Variants in TRAK1 observed in about 807,000 individuals in gnomAD.
TRAK1 encodes trafficking kinesin-binding protein 1.
TRAK1 carries 33 observed loss-of-function variants against 92.1 expected under a neutral mutation model. The ratio of observed to expected loss-of-function variants is 0.36; its 90% CI spans 0.27 to 0.48. The LOEUF is 0.48. Among genes scored for constraint, TRAK1 ranks in the 20% least tolerant of loss-of-function variants. The pLI, the probability that TRAK1 is intolerant of heterozygous loss-of-function variation, is 0.99. For missense variants in TRAK1, 1,123 were observed against 1,257.9 expected (o/e 0.89, Z 1.62); for synonymous variants, 521 against 517.3 (o/e 1.01, Z -0.10).
chr3:42,090,296 T>G (rs565573753), upstream of TRAK1, among the ~76,000 whole-genome samples: 1 of 152,364 alleles, frequency 6.6e-6, no homozygotes, highest in South Asian at 2.1e-4. Flanking sequence ...TAGTGGCATC[T>G]GTACCAGTGA....
chr3:42,105,755 A>G (rs1280787760), intron 1 of TRAK1, among the ~76,000 whole-genome samples: 1 of 152,234 alleles, frequency 6.6e-6, no homozygotes, highest in African/African-American at 2.4e-5. Flanking sequence ...AAAAATATTA[A>G]GGGAAGCCAG....
chr3:42,092,581 C>A (rs911109980), intron 1 of TRAK1, among the ~76,000 whole-genome samples: 1 of 152,012 alleles, frequency 6.6e-6, no homozygotes, highest in African/African-American at 2.4e-5. Context: ...AAGCTGTAAA[C>A]CGAGTGAGAA....
intron 1 of TRAK1, among the ~76,000 whole-genome samples, chr3:42,037,538 G>A (rs1178779844): frequency 6.6e-6 from 1 of 152,224 alleles, no homozygotes; most frequent in African/African-American, 2.4e-5. Context: ...TGGTACTATA[G>A]ACAGACATTA....
intron 1 of TRAK1, among the ~76,000 whole-genome samples, chr3:42,097,891 G>A (rs1706167645): frequency 6.6e-6 from 1 of 152,222 alleles, no homozygotes; most frequent in African/African-American, 2.4e-5. Flanking sequence ...TCTGGGAAGG[G>A]TTGTGGAGGT....
At chr3:42,068,108 A>C (rs1036301919) in intron 1 of TRAK1, among the ~76,000 whole-genome samples, 8 of 151,050 alleles carry the variant, frequency 5.3e-5, no homozygotes, top group African/African-American at 2.0e-4. Flanking sequence ...GCAGTGAGCC[A>C]AGATCATAAT....
intron 1 of TRAK1, among the ~76,000 whole-genome samples, chr3:42,103,099 C>T (rs1367005834): frequency 6.6e-6 from 1 of 152,166 alleles, no homozygotes; most frequent in African/African-American, 2.4e-5. Flanking sequence ...TTTTCATTCA[C>T]CCCCCGAAAA....
chr3:42,160,321 G>A, intron 2 of TRAK1: 1 of 1,609,856 alleles, frequency 6.2e-7, no homozygotes, highest in Non-Finnish European at 8.5e-7. Flanking sequence ...CCCAAGGATG[G>A]TCCCTTAGGG....
chr3:42,070,000 C>T lies in TRAK1; in HGVS notation c.-518-17104C>T, dbSNP rs375844318. On this transcript the variant is annotated intron_variant, in intron 1 of 16. Coordinates refer to the TRAK1 transcript ENST00000487159. ...CCCAGTAGCTGGGATTACAGGTGCC[C>T]GCCACCACACCTGGCTAATTTTTGC... is the stretch of plus-strand genomic sequence containing the variant. 1.1e-4 allele frequency among the ~76,000 whole-genome samples: 17 copies of T among 151,806 alleles called. No homozygotes were observed. The South Asian group carries it at 2.1e-3, about 19-fold the overall frequency.
At position 42,225,755 on chromosome 3, in the gene TRAK1, A is replaced by C. The variant is rs1710699109; in HGVS notation, c.*2018A>C. 1 of 152,254 alleles carries C rather than the reference A, an allele frequency of 6.6e-6. No individual in the cohort carries two copies. Among genetic ancestry groups the C allele is most frequent in the South Asian group, 2.1e-4 (1 of 4,836 alleles). The allele number at this position is 152,254 out of a possible 1,614,324, so 9.4% of individuals were successfully genotyped here. A position where few individuals can be genotyped will look rare whatever the true frequency, so the allele number is the denominator to read the frequency against. Reference sequence around the variant, plus strand: ...TTCACTAATGAGTATCAATAAAATAAGTTCAAATGATGGAAACCACACTGG... The same window carrying C: ...TTCACTAATGAGTATCAATAAAATACGTTCAAATGATGGAAACCACACTGG... On this transcript the variant is annotated 3_prime_UTR_variant, in exon 16 of 16. Coordinates refer to ENST00000327628, the MANE Select transcript of TRAK1 (RefSeq NM_001042646.3).
At position 42,093,056 on chromosome 3, in the gene TRAK1, A is replaced by G. The variant is rs569946853; in HGVS notation, c.91+1496A>G. Among the ~76,000 whole-genome samples the G allele has an allele frequency of 5.3e-5, 8 of 152,314 alleles. No homozygotes were observed. The South Asian group carries it at 1.7e-3, about 32-fold the overall frequency. On this transcript the variant is annotated intron_variant, in intron 1 of 15. Transcript: ENST00000327628. ...TTTTTATTTGTGTTTTCTATTGAAA[A>G]TTTATAATCTAAATGGGTCTTTTAT...
intron 1 of TRAK1, among the ~76,000 whole-genome samples, chr3:42,108,450 C>T (rs1707891286): frequency 1.3e-5 from 2 of 148,836 alleles, no homozygotes; most frequent in South Asian, 4.2e-4. Flanking sequence ...GTGATCGTAC[C>T]ACTGCACTCC....
intron 1 of TRAK1, among the ~76,000 whole-genome samples, chr3:42,063,517 C>T (rs1194126249): frequency 6.6e-6 from 1 of 152,076 alleles, no homozygotes; most frequent in Non-Finnish European, 1.5e-5. Flanking sequence ...AAAACCCTGT[C>T]TCTACAAAAA....
chr3:42,093,854 C>T (rs1397431709), intron 1 of TRAK1, among the ~76,000 whole-genome samples: 3 of 151,202 alleles, frequency 2.0e-5, no homozygotes, highest in Non-Finnish European at 4.4e-5. Flanking sequence ...AGGCATGCGC[C>T]ACCACGCCCA....
intron 2 of TRAK1, among the ~76,000 whole-genome samples, chr3:42,127,893 T>C (rs900500270): frequency 6.6e-6 from 1 of 152,170 alleles, no homozygotes; most frequent in Non-Finnish European, 1.5e-5. Flanking sequence ...AACAGTAGAC[T>C]TGAGGCCGGG....
chr3:42,071,370 G>A (rs1020839212), intron 1 of TRAK1, among the ~76,000 whole-genome samples: 7 of 152,160 alleles, frequency 4.6e-5, no homozygotes, highest in African/African-American at 1.7e-4. Flanking sequence ...ATCCAGGCCT[G>A]TTCACTGGGA....
At position 42,111,777 on chromosome 3, in the gene TRAK1, C is replaced by T. The variant is rs374064176; in HGVS notation, c.92-13643C>T. 5.3e-5 allele frequency among the ~76,000 whole-genome samples: 8 copies of T among 152,076 alleles called. No individual in the cohort carries two copies. The East Asian group carries it at 9.6e-4, about 18-fold the overall frequency. On this transcript the variant is annotated intron_variant, in intron 1 of 15. Coordinates refer to ENST00000327628, the MANE Select transcript of TRAK1 (RefSeq NM_001042646.3). ...ATTTTCTTATTTATTAAAAATTACA[C>T]GAAGATCATTCTGTTTTGGGCTGGG...
In TRAK1 at chr3:42,093,994, G is replaced by A. The variant is rs150817594; in HGVS notation, c.91+2434G>A. On this transcript the variant is annotated intron_variant, in intron 1 of 15. Coordinates refer to ENST00000327628, the MANE Select transcript of TRAK1 (RefSeq NM_001042646.3). ...ACTAGGATTACAGGCGTGAGCCGCC[G>A]TGCCTGGCCGAAACAAGCTTTTCAT... Among the ~76,000 whole-genome samples, 325 of 152,176 alleles carry A rather than the reference G, an allele frequency of 2.1e-3. 1 individual carries two copies. Among genetic ancestry groups the A allele is most frequent in the African/African-American group, 7.6e-3 (314 of 41,530 alleles).
intron 3 of TRAK1, 82 bp downstream of exon 3, chr3:42,176,972 C>T: frequency 1.6e-6 from 2 of 1,280,328 alleles, no homozygotes. Flanking sequence ...GCCTTATCAC[C>T]TGTTTCAGTG....
At chr3:42,092,051 T>TA (rs1308281152) in intron 1 of TRAK1, among the ~76,000 whole-genome samples, 2 of 152,202 alleles carry the variant, frequency 1.3e-5, no homozygotes, top group Non-Finnish European at 2.9e-5. Flanking sequence ...AGGACAGAGT[T>TA]AGACTGTCTC....
Sources: allele counts gnomAD v4.1 joint callset (sites outside exome capture counted in the v4.1 genomes callset), GRCh38; gene constraint gnomAD v4.1.1; transcripts MANE v1.5; gene names NCBI Gene and HGNC (gene_info 2026-07-23, HGNC 2026-07-21).